XAB2: variants seen among roughly 807,000 people sequenced by gnomAD.
The protein encoded by XAB2 is XPA binding protein 2.
In XAB2, 57 loss-of-function variants were observed where a neutral mutation model predicts 113.4. That is an observed-to-expected ratio of 0.50 (90% CI 0.41 to 0.63). The LOEUF (loss-of-function observed/expected upper bound fraction) is 0.63. Ranked by LOEUF, XAB2 falls within the 20% of genes least tolerant of loss-of-function variation. XAB2 has a pLI of 0.00. For missense variants in XAB2, 1,037 were observed against 1,233.3 expected (o/e 0.84, Z 2.38); for synonymous variants, 497 against 498.8 (o/e 1.00, Z 0.05).
chr19:7,621,103 GCCACCCCCC>G, intron 13 of XAB2, 23 bp downstream of exon 13: 6 of 733,020 alleles, frequency 8.2e-6, no homozygotes, highest in Non-Finnish European at 1.1e-5. Flanking sequence ...CAGCCCGCCC[GCCACCCCCC>G]CCATGCCCTC....
In XAB2 at chr19:7,619,618, C is replaced by A. The variant is rs766525949; in HGVS notation, c.2536G>T (p.Ala846Ser). 1 of 1,602,944 alleles carries A rather than the reference C, an allele frequency of 6.2e-7. No homozygotes were observed. The highest frequency in any genetic ancestry group is 1.1e-5 in the South Asian group (1 of 89,332). ...TCCTTCAGGCTCCCAAACACTGCGG[C>A]TGGCACGCTCTGCTGCTCCAGCCGA... ...EVRLEQQSVP[A>S]AVFGSLKED The change falls in exon 19 of 19, where the codon GCC (alanine) becomes TCC (serine). Residue 846 changes from alanine (A) to serine (S), a missense_variant. Ala to Ser is a moderately conservative substitution (Grantham distance 99). Coordinates refer to ENST00000358368, the MANE Select transcript of XAB2 (RefSeq NM_020196.3).
chr19:7,625,791 T>C lies in XAB2; in HGVS notation c.822+89A>G, dbSNP rs4134840. On this transcript the variant is annotated intron_variant, in intron 6 of 18. Transcript: ENST00000358368. The surrounding 1 kb of genome is among the most constrained non-coding windows in gnomAD (Gnocchi z 5.2). ...ACCACACCCAGCCATAAATGGCATG[T>C]TTTCTGCCTGTGCATGTGTCAACAT... 3.0e-3 allele frequency: 4,435 copies of C among 1,497,658 alleles called. 116 individuals carry two copies. In the East Asian group the frequency reaches 0.055, roughly 19 times the overall value. 92.8% of individuals were successfully genotyped at this position (1,497,658 alleles called of 1,614,324 possible).
intron 15 of XAB2, 27 bp from the exon 16 acceptor site, chr19:7,620,473 G>A: frequency 1.9e-6 from 3 of 1,608,214 alleles, no homozygotes; most frequent in Non-Finnish European, 2.5e-6. Context: ...GCAGGGGTGG[G>A]TGTGTGTGCC....
rs2031193230 is a variant in XAB2 at position 7,628,639 on chromosome 19, G to C, written c.52-341C>G. Among the ~76,000 whole-genome samples, 1 of 143,662 alleles carries C rather than the reference G, an allele frequency of 7.0e-6. No individual in the cohort carries two copies. 94.2% of individuals were successfully genotyped at this position (143,662 alleles called of 152,430 possible). A position where few individuals can be genotyped will look rare whatever the true frequency, so the allele number is the denominator to read the frequency against. On this transcript the variant is annotated intron_variant, in intron 1 of 18. Transcript: ENST00000358368. This position sits in a 1 kb window ranked among gnomAD's most constrained non-coding sequence, Gnocchi z 4.6. ...TAGATACCAAGGCCCTGGCCCAGAT[G>C]CCAGTCCTGGACACCAGACCCCACT...
In XAB2 at chr19:7,622,901, G is replaced by C. The variant is rs1468067669; in HGVS notation, c.1240-8C>G. ...CTCCAGGATGACACGGGCCTGCCGGGGCGGGCAGAGGCGAGGCTGAGACCC... is the reference window on the plus strand; with the variant it reads ...CTCCAGGATGACACGGGCCTGCCGGCGCGGGCAGAGGCGAGGCTGAGACCC... On this transcript the variant is annotated splice_polypyrimidine_tract_variant and splice_region_variant and intron_variant, in intron 9 of 18. Transcript: ENST00000358368. 1 of 1,612,602 alleles carries C rather than the reference G, an allele frequency of 6.2e-7. No homozygotes were observed. The highest frequency in any genetic ancestry group is 8.5e-7 in the Non-Finnish European group (1 of 1,179,600).
rs61186298 is a variant in XAB2, at chr19:7,626,175, G to A, written c.618C>T (p.Asp206=). The part of the protein sequence containing the change: ...AAQRLATVVN[D]ERFVSKAGKS... ...TGCCGGCCTTAGACACGAAACGCTC[G>A]TCGTTCACCACGGTGGCCAGGCGCT... The change falls in exon 5 of 19, where the codon GAC becomes GAT. Residue 206 remains aspartate (D), a synonymous_variant. Coordinates refer to ENST00000358368, the MANE Select transcript of XAB2 (RefSeq NM_020196.3). The A allele has an allele frequency of 1.7e-3, 2,801 of 1,613,716 alleles. 26 individuals carry two copies. In the African/African-American group the frequency reaches 0.02, roughly 11 times the overall value.
chr19:7,626,537 T>C (rs1599373682), intron 4 of XAB2, among the ~76,000 whole-genome samples: 1 of 150,502 alleles, frequency 6.6e-6, no homozygotes, highest in African/African-American at 2.5e-5. Flanking sequence ...GCTGTGGACT[T>C]TTTGGGTTAG....
Position 7,628,422 on chromosome 19 carries a change from G to T in XAB2, c.52-124C>A. 4.9e-6 allele frequency: 6 copies of T among 1,230,506 alleles called. No individual in the cohort carries two copies. The highest frequency in any genetic ancestry group is 6.8e-6 in the Non-Finnish European group (6 of 884,896). The allele number at this position is 1,230,506 out of a possible 1,614,324, so 76.2% of individuals were successfully genotyped here. ...TACCTAGATCCCACCACCCACCAAG[G>T]AAGTCAGGTCACCAGATGCCCAGGC... On this transcript the variant is annotated intron_variant, in intron 1 of 18. Coordinates refer to ENST00000358368, the MANE Select transcript of XAB2 (RefSeq NM_020196.3). The surrounding 1 kb of genome is among the most constrained non-coding windows in gnomAD (Gnocchi z 4.6).
In XAB2 at chr19:7,624,304, CCTCCTCG is replaced by C; in HGVS notation, c.957_963del (p.Glu320ArgfsTer103). On this transcript the variant is annotated frameshift_variant, in exon 7 of 19. Coordinates refer to ENST00000358368, the MANE Select transcript of XAB2 (RefSeq NM_020196.3). LOFTEE classifies it high-confidence loss of function. This position sits in a 1 kb window ranked among gnomAD's most constrained non-coding sequence, Gnocchi z 4.2. ...GCCGGGGCCCCCAGAGGCTCACCCTCCTCCTCGCGCCCCAGCTCCGAGGCGGTCTCCA... is the reference window on the plus strand; with the variant it reads ...GCCGGGGCCCCCAGAGGCTCACCCTCCGCCCCAGCTCCGAGGCGGTCTCCA... 6.2e-7 allele frequency: 1 copy of C among 1,613,500 alleles called. No individual in the cohort carries two copies. The highest frequency in any genetic ancestry group is 8.5e-7 in the Non-Finnish European group (1 of 1,180,004).
Position 7,621,051 on chromosome 19 carries a change from C to T in XAB2, c.1781-15G>A, listed in dbSNP as rs757840210. ...CAGGTACAAGGCTGGGCGGGGTAGGCGGGGAGAGGGGAGCACGGTCAGCCG... is the reference window on the plus strand; with the variant it reads ...CAGGTACAAGGCTGGGCGGGGTAGGTGGGGAGAGGGGAGCACGGTCAGCCG... On this transcript the variant is annotated splice_polypyrimidine_tract_variant and intron_variant, in intron 13 of 18. Coordinates refer to ENST00000358368, the MANE Select transcript of XAB2 (RefSeq NM_020196.3). 1.2e-5 allele frequency: 19 copies of T among 1,542,512 alleles called. No individual in the cohort carries two copies. The Admixed American group carries it at 1.4e-4, about 11-fold the overall frequency.
intron 16 of XAB2, 74 bp downstream of exon 16, chr19:7,620,201 C>CA: frequency 6.2e-7 from 1 of 1,602,662 alleles, no homozygotes. Context: ...CCGAGGCTCC[C>CA]AGACCCGGAA....
At position 7,624,522 on chromosome 19, in the gene XAB2, C is replaced by G; in HGVS notation, c.823-77G>C. On this transcript the variant is annotated intron_variant, in intron 6 of 18. Coordinates refer to ENST00000358368, the MANE Select transcript of XAB2 (RefSeq NM_020196.3). This position sits in a 1 kb window ranked among gnomAD's most constrained non-coding sequence, Gnocchi z 4.2. ...GCAGCAGCACTCTTAGCACCAGCCT[C>G]AATGTGGAACCCCTGGGGGCCTTCT... 6.2e-7 allele frequency: 1 copy of G among 1,600,228 alleles called. No homozygotes were observed. Among genetic ancestry groups the G allele is most frequent in the South Asian group, 1.1e-5 (1 of 90,556 alleles).
Position 7,628,216 on chromosome 19 carries a change from T to A in XAB2, c.134A>T (p.Lys45Ile). The A allele has an allele frequency of 6.2e-7, 1 of 1,614,116 alleles. No individual in the cohort carries two copies. Among genetic ancestry groups the A allele is most frequent in the Non-Finnish European group, 8.5e-7 (1 of 1,180,024 alleles). The change falls in exon 2 of 19, where the codon AAA becomes ATA. Residue 45 changes from lysine to isoleucine, a missense_variant. Coordinates refer to ENST00000358368, the MANE Select transcript of XAB2 (RefSeq NM_020196.3). The surrounding 1 kb of genome is among the most constrained non-coding windows in gnomAD (Gnocchi z 4.6). Reference protein sequence around the residue: ...VKCWLRYIEFKQGAPKPRLNQ... With the variant: ...VKCWLRYIEFIQGAPKPRLNQ... ...GAGCCTGGGCTTCGGGGCGCCCTGT[T>A]TGAACTCGATGTAGCGAAGCCAGCA... is the stretch of plus-strand genomic sequence containing the variant.
In XAB2 at chr19:7,620,607, G is replaced by A. The variant is rs758245097; in HGVS notation, c.2034C>T (p.Leu678=). 6 of 1,613,228 alleles carry A rather than the reference G, an allele frequency of 3.7e-6. No individual in the cohort carries two copies. The highest frequency in any genetic ancestry group is 4.5e-5 in the East Asian group (2 of 44,870). The part of the protein sequence containing the change: ...CLRFADMECK[L]GEIDRARAIY... ...TGGCCCGGGCGCGGTCAATCTCCCC[G>A]AGCTTGCACTCCATGTCTGCAAACC... is the stretch of plus-strand genomic sequence containing the variant. The change falls in exon 15 of 19, where the codon CTC becomes CTT. Residue 678 remains leucine (L), a synonymous_variant. Transcript: ENST00000358368.
rs779271273 is a variant in XAB2, at chr19:7,627,478, G to A, written c.325-38C>T. 4.2e-5 allele frequency: 67 copies of A among 1,579,582 alleles called. No individual in the cohort carries two copies. The highest frequency in any genetic ancestry group is 3.5e-4 in the East Asian group (15 of 43,210). ...GGAGAGGCGGCTGGGGCTAAGCCAC[G>A]GACTCCATGGCCTGGCCACAGACAC... On this transcript the variant is annotated intron_variant, in intron 3 of 18. Coordinates refer to ENST00000358368, the MANE Select transcript of XAB2 (RefSeq NM_020196.3). The surrounding 1 kb of genome is among the most constrained non-coding windows in gnomAD (Gnocchi z 4.5).
Position 7,622,748 on chromosome 19 carries a change from G to A in XAB2, c.1371+14C>T, listed in dbSNP as rs376771032. The A allele has an allele frequency of 1.3e-5, 21 of 1,613,736 alleles. No individual in the cohort carries two copies. The highest frequency in any genetic ancestry group is 1.2e-4 in the African/African-American group (9 of 74,942). Reference sequence around the variant, plus strand: ...ACCTGCAGCCCCCACCCCACAGCCTGGGCCTGTTCTCACTCGCAGCAGCCG... The same window carrying A: ...ACCTGCAGCCCCCACCCCACAGCCTAGGCCTGTTCTCACTCGCAGCAGCCG... On this transcript the variant is annotated intron_variant, in intron 10 of 18. Coordinates refer to ENST00000358368, the MANE Select transcript of XAB2 (RefSeq NM_020196.3).
chr19:7,627,667 C>A lies in XAB2; in HGVS notation c.324+61G>T. On this transcript the variant is annotated intron_variant, in intron 3 of 18. Transcript: ENST00000358368. The surrounding 1 kb of genome is among the most constrained non-coding windows in gnomAD (Gnocchi z 4.5). The stretch of plus-strand genomic sequence containing the variant: ...TGCTGAGCCCAGCCCCTGTCCCCGC[C>A]CCACCCACCACCATGGACTGAGCTC... 2.5e-6 allele frequency: 4 copies of A among 1,597,238 alleles called. No homozygotes were observed. Among genetic ancestry groups the A allele is most frequent in the South Asian group, 1.1e-5 (1 of 90,170 alleles).
rs545420934 is a variant in XAB2 at position 7,624,172 on chromosome 19, C to T, written c.967+129G>A. ...TCAAGACCCCCACACCCCCTGCATC[C>T]ACTCAGCCTCCTTCCCTGCTGGCCC... is the stretch of plus-strand genomic sequence containing the variant. On this transcript the variant is annotated intron_variant, in intron 7 of 18. Transcript: ENST00000358368. The surrounding 1 kb of genome is among the most constrained non-coding windows in gnomAD (Gnocchi z 4.2). 6.2e-6 allele frequency: 9 copies of T among 1,445,992 alleles called. No individual in the cohort carries two copies. The South Asian group carries it at 1.0e-4, about 16-fold the overall frequency. The allele number at this position is 1,445,992 out of a possible 1,614,324, so 89.6% of individuals were successfully genotyped here.
rs1175774968 is a variant in XAB2, at chr19:7,623,817, G to A, written c.1033C>T (p.Leu345Phe). The change falls in exon 8 of 19, where the codon CTC becomes TTC. Residue 345 changes from leucine (L) to phenylalanine (F), a missense_variant. Physicochemically the swap from Leu to Phe is conservative, Grantham distance 22 (BLOSUM62 0). Coordinates refer to ENST00000358368, the MANE Select transcript of XAB2 (RefSeq NM_020196.3). The surrounding 1 kb of genome is among the most constrained non-coding windows in gnomAD (Gnocchi z 4.6). Reference protein sequence around the residue: ...EQLISRRPLLLNSVLLRQNPH... With the variant: ...EQLISRRPLLFNSVLLRQNPH... ...TTTTGGCGCAGCAAGACGCTGTTGA[G>A]GAGCAGGGGCCGCCGGCTGATGAGC... is the stretch of plus-strand genomic sequence containing the variant. 6.2e-7 allele frequency: 1 copy of A among 1,611,716 alleles called. No individual in the cohort carries two copies. Among genetic ancestry groups the A allele is most frequent in the Non-Finnish European group, 8.5e-7 (1 of 1,179,514 alleles).
Sources: allele counts gnomAD v4.1 joint callset (sites outside exome capture counted in the v4.1 genomes callset), GRCh38; gene constraint gnomAD v4.1.1; non-coding constraint Gnocchi (gnomAD v3.1); transcripts MANE v1.5; gene names NCBI Gene and HGNC (gene_info 2026-07-23, HGNC 2026-07-21).